Variants in CHRNA6 observed in about 807,000 individuals in gnomAD.
The protein encoded by CHRNA6 is cholinergic receptor nicotinic alpha 6 subunit.
A neutral mutation model predicts 40.9 loss-of-function variants in CHRNA6; 31 were observed. That is an observed-to-expected ratio of 0.76 (90% CI 0.57 to 1.02). The LOEUF (loss-of-function observed/expected upper bound fraction) is 1.02, where lower values mean the gene tolerates loss of function less well. Ranked by LOEUF, CHRNA6 falls within the 50% of genes least tolerant of loss-of-function variation. The pLI, the probability that CHRNA6 is intolerant of heterozygous loss-of-function variation, is 0.00. For synonymous variants in CHRNA6, 222 were observed against 221.3 expected, an observed-to-expected ratio of 1.00 and a Z score of -0.03; for missense variants, 546 against 596.6, an observed-to-expected ratio of 0.92 and a Z score of 0.88.
chr8:42,760,615 C>G (rs1816890819), intron 2 of CHRNA6, among the ~76,000 whole-genome samples: 1 of 152,114 alleles, frequency 6.6e-6, no homozygotes, highest in Non-Finnish European at 1.5e-5. Context: ...CACTCAAACA[C>G]ACTCATGCAC....
At position 42,753,087 on chromosome 8, in the gene CHRNA6, G is replaced by A; in HGVS notation, c.*92C>T. 1.6e-6 allele frequency: 2 copies of A among 1,230,466 alleles called. No homozygotes were observed. Among genetic ancestry groups the A allele is most frequent in the Non-Finnish European group, 2.3e-6 (2 of 881,340 alleles). The allele number at this position is 1,230,466 out of a possible 1,614,324, so 76.2% of individuals were successfully genotyped here. On this transcript the variant is annotated 3_prime_UTR_variant, in exon 6 of 6. Transcript: ENST00000276410. Reference sequence around the variant, plus strand: ...ATCAGTTTTAGCAGATGGGGGACTTGGGTGGGAAGCCTTTGCTTTCCTTTC... The same window carrying A: ...ATCAGTTTTAGCAGATGGGGGACTTAGGTGGGAAGCCTTTGCTTTCCTTTC...
Position 42,755,836 on chromosome 8 carries a change from A to G in CHRNA6, c.1353+10T>C, listed in dbSNP as rs1217578597. The G allele has an allele frequency of 6.2e-7, 1 of 1,607,984 alleles. No homozygotes were observed. Among genetic ancestry groups the G allele is most frequent in the Non-Finnish European group, 8.5e-7 (1 of 1,176,540 alleles). ...TGCAAGCTGGCTGGGTGGAGGGAACACACATTTACCTCCTTGGTTTCATTG... is the reference window on the plus strand; with the variant it reads ...TGCAAGCTGGCTGGGTGGAGGGAACGCACATTTACCTCCTTGGTTTCATTG... On this transcript the variant is annotated intron_variant, in intron 5 of 5. Transcript: ENST00000276410.
Position 42,768,488 on chromosome 8 carries a change from C to T in CHRNA6, c.-58G>A. 1.4e-6 allele frequency: 2 copies of T among 1,405,664 alleles called. No individual in the cohort carries two copies. The highest frequency in any genetic ancestry group is 2.0e-6 in the Non-Finnish European group (2 of 991,634). The allele number at this position is 1,405,664 out of a possible 1,614,324, so 87.1% of individuals were successfully genotyped here. On this transcript the variant is annotated 5_prime_UTR_variant, in exon 1 of 6. Coordinates refer to ENST00000276410, the MANE Select transcript of CHRNA6 (RefSeq NM_004198.3). ...GCAAAGGATTGTGGAAAACAAAGAG[C>T]TATCAGTCAGCCACATGCATCCAAC...
At chr8:42,753,453 C>T in intron 5 of CHRNA6, 143 bp from the exon 6 acceptor site, 1 of 751,328 alleles carries the variant, frequency 1.3e-6, no homozygotes, top group Non-Finnish European at 2.2e-6. Flanking sequence ...GTGGGAGGAT[C>T]ATCTGAGGTC....
chr8:42,763,784 C>T (rs183746782), intron 2 of CHRNA6, among the ~76,000 whole-genome samples: 17 of 152,268 alleles, frequency 1.1e-4, no homozygotes, highest in East Asian at 7.7e-4. Context: ...CCAGTGCATG[C>T]ACACTTTCAG....
At position 42,756,938 on chromosome 8, in the gene CHRNA6, G is replaced by A; in HGVS notation, c.364C>T (p.Leu122Phe). The A allele has an allele frequency of 1.9e-6, 3 of 1,613,328 alleles. No individual in the cohort carries two copies. The highest frequency in any genetic ancestry group is 2.5e-6 in the Non-Finnish European group (3 of 1,179,228). ...ADKIWKPDIV[L>F]YNNAVGDFQV... ...GTCAGAGACCCATACTTGTTATAGA[G>A]AACAATGTCGGGCTTCCAAATCTTA... is the stretch of plus-strand genomic sequence containing the variant. The change falls in exon 4 of 6, where the codon CTC (leucine) becomes TTC (phenylalanine). Residue 122 changes from leucine to phenylalanine, a missense_variant. Leu to Phe is a conservative substitution (Grantham distance 22, BLOSUM62 0). Coordinates refer to ENST00000276410, the MANE Select transcript of CHRNA6 (RefSeq NM_004198.3).
chr8:42,759,060 G>A lies in CHRNA6; in HGVS notation c.264+9C>T. The A allele has an allele frequency of 1.9e-6, 3 of 1,607,812 alleles. No individual in the cohort carries two copies. Among genetic ancestry groups the A allele is most frequent in the Non-Finnish European group, 2.6e-6 (3 of 1,174,302 alleles). ...CATCATTAAGCCAACACATGATATA[G>A]GCACATACGTGACGCAGCCACAAAT... On this transcript the variant is annotated intron_variant, in intron 3 of 5. Coordinates refer to ENST00000276410, the MANE Select transcript of CHRNA6 (RefSeq NM_004198.3).
In CHRNA6 at chr8:42,755,348, C is replaced by T. The variant is rs572166434; in HGVS notation, c.1353+498G>A. On this transcript the variant is annotated intron_variant, in intron 5 of 5. Coordinates refer to ENST00000276410, the MANE Select transcript of CHRNA6 (RefSeq NM_004198.3). ...CTGGAGTGCAGGGGCGCCATGTCAG[C>T]TCACTGTAACCTCCACCTCCTGGGT... Among the ~76,000 whole-genome samples, 124 of 152,214 alleles carry T rather than the reference C, an allele frequency of 8.1e-4. 1 individual carries two copies. Among genetic ancestry groups the T allele is most frequent in the African/African-American group, 2.9e-3 (120 of 41,536 alleles).
intron 2 of CHRNA6, among the ~76,000 whole-genome samples, chr8:42,762,107 C>T (rs1586427660): frequency 6.6e-6 from 1 of 152,176 alleles, no homozygotes; most frequent in East Asian, 1.9e-4. Flanking sequence ...AGCTGGGGAT[C>T]AGACAGCGGG....
intron 1 of CHRNA6, among the ~76,000 whole-genome samples, chr8:42,766,552 G>A (rs1448976127): frequency 6.6e-6 from 1 of 152,014 alleles, no homozygotes; most frequent in Non-Finnish European, 1.5e-5. Flanking sequence ...GCAATACTAT[G>A]CAACCATAAA....
At position 42,755,835 on chromosome 8, in the gene CHRNA6, C is replaced by A. The variant is rs1464462337; in HGVS notation, c.1353+11G>T. 8 of 1,607,140 alleles carry A rather than the reference C, an allele frequency of 5.0e-6. No individual in the cohort carries two copies. Among genetic ancestry groups the A allele is most frequent in the Non-Finnish European group, 6.0e-6 (7 of 1,176,192 alleles). On this transcript the variant is annotated intron_variant, in intron 5 of 5. Transcript: ENST00000276410. ...GTGCAAGCTGGCTGGGTGGAGGGAACACACATTTACCTCCTTGGTTTCATT... is the reference window on the plus strand; with the variant it reads ...GTGCAAGCTGGCTGGGTGGAGGGAAAACACATTTACCTCCTTGGTTTCATT...
In CHRNA6 at chr8:42,756,406, G is replaced by GT. The variant is rs1206420175; in HGVS notation, c.792_793insA (p.Pro265ThrfsTer6). Reference sequence around the variant, plus strand: ...GTCACTTTTTCACCACAGTCCGAAGGAAGGTAAAAGACCAACACGGTTAGA... The same window carrying GT: ...GTCACTTTTTCACCACAGTCCGAAGGTAAGGTAAAAGACCAACACGGTTAGA... On this transcript the variant is annotated frameshift_variant, in exon 5 of 6. Transcript: ENST00000276410. LOFTEE classifies it high-confidence loss of function. 2 of 1,614,224 alleles carry GT rather than the reference G, an allele frequency of 1.2e-6. No individual in the cohort carries two copies. The highest frequency in any genetic ancestry group is 1.7e-6 in the Non-Finnish European group (2 of 1,180,032).
intron 2 of CHRNA6, among the ~76,000 whole-genome samples, chr8:42,762,926 C>T (rs1586427980): frequency 1.3e-5 from 2 of 152,272 alleles, no homozygotes; most frequent in South Asian, 4.2e-4. Context: ...AACTGCATGT[C>T]AATCTATAAT....
At chr8:42,766,560 A>G (rs145072543) in intron 1 of CHRNA6, among the ~76,000 whole-genome samples, 1 of 152,306 alleles carries the variant, frequency 6.6e-6, no homozygotes, top group Non-Finnish European at 1.5e-5. Context: ...ATGCAACCAT[A>G]AAAATGAACA....
At position 42,756,772 on chromosome 8, in the gene CHRNA6, T is replaced by C. The variant is rs201720371; in HGVS notation, c.427A>G (p.Asn143Asp). Reference sequence around the variant, plus strand: ...GGTGGAGTCCAGGTTATCATGCCATTGTATTTAAGAAGAGCTTTTGTTTTG... The same window carrying C: ...GGTGGAGTCCAGGTTATCATGCCATCGTATTTAAGAAGAGCTTTTGTTTTG... ...EGKTKALLKYNGMITWTPPAI... is the reference protein window; with the variant it reads ...EGKTKALLKYDGMITWTPPAI... The change falls in exon 5 of 6, where the codon AAT becomes GAT. Residue 143 changes from asparagine (N) to aspartate (D), a missense_variant. Asn to Asp is a conservative substitution (Grantham distance 23, BLOSUM62 1). Transcript: ENST00000276410. 155 of 1,610,366 alleles carry C rather than the reference T, an allele frequency of 9.6e-5. No individual in the cohort carries two copies. Among genetic ancestry groups the C allele is most frequent in the Non-Finnish European group, 1.3e-4 (148 of 1,179,240 alleles).
rs894446733 is a variant in CHRNA6 at position 42,756,327 on chromosome 8, T to C, written c.872A>G (p.Glu291Gly). 1 of 1,614,256 alleles carries C rather than the reference T, an allele frequency of 6.2e-7. No individual in the cohort carries two copies. The highest frequency in any genetic ancestry group is 8.5e-7 in the Non-Finnish European group (1 of 1,180,050). ...SLTVFLLVIT[E>G]TIPSTSLVVP... ...CACCAGAGATGTGGATGGGATGGTT[T>C]CTGTGATGACCAGCAAAAACACAGT... Residue 291 changes from glutamate (E) to glycine (G), a missense_variant, in exon 5 of 6, where the codon GAA (glutamate) becomes GGA (glycine). Glu to Gly is a moderately conservative substitution (Grantham distance 98, BLOSUM62 -2). Around this residue, in one of 3 missense-constraint regions of CHRNA6, gnomAD observed 476 missense variants for 494.5 expected, o/e 0.96. Coordinates refer to ENST00000276410, the MANE Select transcript of CHRNA6 (RefSeq NM_004198.3).
At position 42,755,931 on chromosome 8, in the gene CHRNA6, G is replaced by A. The variant is rs139568359; in HGVS notation, c.1268C>T (p.Ser423Leu). 4.8e-5 allele frequency: 77 copies of A among 1,614,080 alleles called. 2 individuals are homozygous for A. In the South Asian group the frequency reaches 6.3e-4, roughly 13 times the overall value. Reference sequence around the variant, plus strand: ...ATCTTCAACTTCAGGCGAGTGCTCCGAATTTTCCACCACCCACTGTAATGG... The same window carrying A: ...ATCTTCAACTTCAGGCGAGTGCTCCAAATTTTCCACCACCCACTGTAATGG... ...HQPLQWVVEN[S>L]EHSPEVEDVI... Residue 423 changes from serine (S) to leucine (L), a missense_variant, in exon 5 of 6, where the codon TCG becomes TTG. Ser to Leu is a moderately radical substitution (Grantham distance 145). Transcript: ENST00000276410.
intron 2 of CHRNA6, among the ~76,000 whole-genome samples, chr8:42,764,177 G>T (rs1361157051): frequency 6.6e-6 from 1 of 152,142 alleles, no homozygotes; most frequent in Non-Finnish European, 1.5e-5. Context: ...CCCTGCAATG[G>T]GGGGGCGCAA....
In CHRNA6 at chr8:42,754,542, T is replaced by C. The variant is rs151267935; in HGVS notation, c.1354-1232A>G. Among the ~76,000 whole-genome samples, 581 of 152,288 alleles carry C rather than the reference T, an allele frequency of 3.8e-3. 2 individuals are homozygous for C. The highest frequency in any genetic ancestry group is 0.014 in the African/African-American group (569 of 41,570). On this transcript the variant is annotated intron_variant, in intron 5 of 5. Transcript: ENST00000276410. ...TATGAAGGTGAATTTTTCTGGGCTCTCTTGTCCGGTGACACATCTGCATGA... is the reference window on the plus strand; with the variant it reads ...TATGAAGGTGAATTTTTCTGGGCTCCCTTGTCCGGTGACACATCTGCATGA...
Sources: gnomAD v4.1 joint callset for allele counts (sites outside exome capture counted in the v4.1 genomes callset) on GRCh38, gnomAD v4.1.1 for gene constraint, gnomAD v4.1.1 regional missense constraint, MANE v1.5 for transcripts, NCBI Gene and HGNC (gene_info 2026-07-23, HGNC 2026-07-21) for gene names.